Variants in PGM2L1 observed in about 807,000 individuals in gnomAD.
The protein encoded by PGM2L1 is glucose 1,6-bisphosphate synthase.
A neutral mutation model predicts 73.4 loss-of-function variants in PGM2L1; 35 were observed. That is an observed-to-expected ratio of 0.48 (90% CI 0.36 to 0.63). The LOEUF is 0.63. PGM2L1 is among the 30% of genes least tolerant of loss of function. PGM2L1 has a pLI of 0.00. For missense variants in PGM2L1, 570 were observed against 742.0 expected (o/e 0.77, Z 2.69); for synonymous variants, 225 against 253.8 (o/e 0.89, Z 1.08).
chr11:74,341,553 G>T (rs1026279341), intron 12 of PGM2L1, among the ~76,000 whole-genome samples: 1 of 152,026 alleles, frequency 6.6e-6, no homozygotes, highest in South Asian at 2.1e-4. Context: ...TTAGTCAGGC[G>T]TGGTGACATG....
intron 13 of PGM2L1, among the ~76,000 whole-genome samples, chr11:74,338,211 G>A (rs1862126353): frequency 6.6e-6 from 1 of 152,150 alleles, no homozygotes; most frequent in Admixed American, 6.5e-5. Context: ...GCCCAGAAAA[G>A]AAGCAAATCT....
At chr11:74,374,052 C>CAAAAAAAA (rs60395088) in intron 2 of PGM2L1, among the ~76,000 whole-genome samples, 3 of 85,634 alleles carry the variant, frequency 3.5e-5, no homozygotes, top group Non-Finnish European at 4.4e-5. Context: ...TTTATAAAGC[C>CAAAAAAAA]AAAAAAAAAA....
chr11:74,351,261 A>G (rs943179363), intron 6 of PGM2L1, 122 bp downstream of exon 6: 1 of 929,848 alleles, frequency 1.1e-6, no homozygotes, highest in Non-Finnish European at 1.6e-6. Flanking sequence ...TTTGACTCTT[A>G]TGAGTACTAT....
chr11:74,398,150 G>A lies in PGM2L1; in HGVS notation c.12C>T (p.Asn4=), dbSNP rs1381921303. Residue 4 remains asparagine, a synonymous_variant, in exon 1 of 14, where the codon AAC becomes AAT. Coordinates refer to ENST00000298198, the MANE Select transcript of PGM2L1 (RefSeq NM_173582.6). ...GGTTGGAGTTCAGATCCCCCTCTGT[G>A]TTTTCAGCCATGGCGACCAGACAGG... is the stretch of plus-strand genomic sequence containing the variant. The part of the protein sequence containing the change: MAE[N]TEGDLNSNLL... 6.8e-6 allele frequency: 11 copies of A among 1,610,792 alleles called. No homozygotes were observed. Among genetic ancestry groups the A allele is most frequent in the Non-Finnish European group, 9.3e-6 (11 of 1,178,268 alleles).
chr11:74,353,796 C>T (rs1361945632), intron 5 of PGM2L1, among the ~76,000 whole-genome samples: 1 of 55,578 alleles, frequency 1.8e-5, no homozygotes, highest in Non-Finnish European at 3.9e-5. Flanking sequence ...TCCCCCACTT[C>T]CACTAGACAA....
intron 9 of PGM2L1, among the ~76,000 whole-genome samples, chr11:74,344,407 TACTA>T (rs1325383604): frequency 1.1e-4 from 16 of 152,142 alleles, no homozygotes; most frequent in African/African-American, 2.4e-4. Context: ...CCAAGACAGT[TACTA>T]ACTACTTCTT....
chr11:74,391,368 G>T (rs979661465), intron 1 of PGM2L1, among the ~76,000 whole-genome samples: 1 of 151,966 alleles, frequency 6.6e-6, no homozygotes, highest in Non-Finnish European at 1.5e-5. Flanking sequence ...TGGAACCCCA[G>T]TGTGGATCAG....
At position 74,332,248 on chromosome 11, in the gene PGM2L1, T is replaced by C. The variant is rs2134869258; in HGVS notation, c.*4404A>G. On this transcript the variant is annotated 3_prime_UTR_variant, in exon 14 of 14. Coordinates refer to ENST00000298198, the MANE Select transcript of PGM2L1 (RefSeq NM_173582.6). ...TGTTATGTCAATTGCCCATTCATTT[T>C]GGTTAGTACGACTCTTTCCTCATCA... 6.6e-6 allele frequency: 1 copy of C among 152,348 alleles called. No homozygotes were observed. Among genetic ancestry groups the C allele is most frequent in the South Asian group, 2.1e-4 (1 of 4,828 alleles). 9.4% of individuals were successfully genotyped at this position (152,348 alleles called of 1,614,324 possible).
At chr11:74,385,089 T>C (rs11236091) in intron 1 of PGM2L1, among the ~76,000 whole-genome samples, 31,245 of 152,174 alleles carry the variant, frequency 0.21, 3,555 homozygotes, top group East Asian at 0.3. Context: ...CTGGAAACTC[T>C]TGACTAACAT....
chr11:74,373,883 T>C (rs906218616), intron 2 of PGM2L1, among the ~76,000 whole-genome samples: 2 of 152,102 alleles, frequency 1.3e-5, no homozygotes, highest in East Asian at 3.9e-4. Flanking sequence ...TAACGCTTAA[T>C]CAGAAAGTCA....
At chr11:74,356,790 T>G (rs555083920) in intron 5 of PGM2L1, among the ~76,000 whole-genome samples, 1 of 151,768 alleles carries the variant, frequency 6.6e-6, no homozygotes, top group South Asian at 2.1e-4. Context: ...ATAAAACTCC[T>G]AGAAGATATG....
intron 1 of PGM2L1, among the ~76,000 whole-genome samples, chr11:74,380,159 G>C (rs1862917329): frequency 6.6e-6 from 1 of 152,022 alleles, no homozygotes; most frequent in African/African-American, 2.4e-5. Context: ...TTGAATGAAA[G>C]ACAAACAAAT....
At chr11:74,369,089 G>T (rs1049833580) in intron 4 of PGM2L1, among the ~76,000 whole-genome samples, 8 of 152,106 alleles carry the variant, frequency 5.3e-5, no homozygotes, top group African/African-American at 1.9e-4. Flanking sequence ...TACACACTTG[G>T]CTTCTAACTC....
At position 74,386,658 on chromosome 11, in the gene PGM2L1, G is replaced by A. The variant is rs187096804; in HGVS notation, c.111+11393C>T. Among the ~76,000 whole-genome samples, 119 of 151,892 alleles carry A rather than the reference G, an allele frequency of 7.8e-4. 1 individual carries two copies. The highest frequency in any genetic ancestry group is 1.5e-3 in the Admixed American group (23 of 15,258). The stretch of plus-strand genomic sequence containing the variant: ...GCCCACCTAATTTTATTTACTTTTT[G>A]TAGAGATGAGGTCTCCCTATTTTGC... On this transcript the variant is annotated intron_variant, in intron 1 of 13. Coordinates refer to ENST00000298198, the MANE Select transcript of PGM2L1 (RefSeq NM_173582.6).
In PGM2L1 at chr11:74,338,352, C is replaced by A. The variant is rs1286077750; in HGVS notation, c.1766+116G>T. On this transcript the variant is annotated intron_variant, in intron 13 of 13. Transcript: ENST00000298198. ...ATTGATTACAGTGATGGATGCACAA[C>A]TTTGAACATACTAAAAGCCACTGAA... is the stretch of plus-strand genomic sequence containing the variant. 7.0e-6 allele frequency: 7 copies of A among 997,880 alleles called. No homozygotes were observed. The East Asian group carries it at 2.0e-4, about 28-fold the overall frequency. The allele number at this position is 997,880 out of a possible 1,614,324, so 61.8% of individuals were successfully genotyped here.
Position 74,334,783 on chromosome 11 carries a change from G to A in PGM2L1, c.*1869C>T, listed in dbSNP as rs1862067711. 6.6e-6 allele frequency: 1 copy of A among 151,950 alleles called. No homozygotes were observed. The highest frequency in any genetic ancestry group is 1.5e-5 in the Non-Finnish European group (1 of 68,000). The allele number at this position is 151,950 out of a possible 1,614,324, so 9.4% of individuals were successfully genotyped here. A position where few individuals can be genotyped will look rare whatever the true frequency, so the allele number is the denominator to read the frequency against. ...CTAATTACAGTGCTATCTCCCATAA[G>A]CAATTTGTTTAGGTCTTGTTATTGT... On this transcript the variant is annotated 3_prime_UTR_variant, in exon 14 of 14. Coordinates refer to ENST00000298198, the MANE Select transcript of PGM2L1 (RefSeq NM_173582.6).
In PGM2L1 at chr11:74,374,475, A is replaced by T. The variant is rs1862827239; in HGVS notation, c.219T>A (p.Arg73=). The T allele has an allele frequency of 6.2e-7, 1 of 1,614,026 alleles. No homozygotes were observed. Among genetic ancestry groups the T allele is most frequent in the Admixed American group, 1.7e-5 (1 of 60,014 alleles). Residue 73 remains arginine, a synonymous_variant, in exon 2 of 14, where the codon CGT becomes CGA. Transcript: ENST00000298198. ...AGCAAAACCCTGCCCCCATGGCAGAACGAAGTCCTGCAGTCCCAAAAGTCA... is the reference window on the plus strand; with the variant it reads ...AGCAAAACCCTGCCCCCATGGCAGATCGAAGTCCTGCAGTCCCAAAAGTCA... The part of the protein sequence containing the change: ...CRMTFGTAGL[R]SAMGAGFCYI...
At chr11:74,386,471 A>T (rs2134949671) in intron 1 of PGM2L1, among the ~76,000 whole-genome samples, 1 of 151,916 alleles carries the variant, frequency 6.6e-6, no homozygotes, top group Admixed American at 6.6e-5. Context: ...TATCTGTCAA[A>T]AAAAAAAACT....
chr11:74,378,278 G>A (rs1378859227), intron 1 of PGM2L1, among the ~76,000 whole-genome samples: 2 of 151,444 alleles, frequency 1.3e-5, no homozygotes, highest in South Asian at 4.2e-4. Flanking sequence ...CTCCAGCCTG[G>A]GCAACAGAGT....
Sources: gnomAD v4.1 joint callset for allele counts (sites outside exome capture counted in the v4.1 genomes callset) on GRCh38, gnomAD v4.1.1 for gene constraint, MANE v1.5 for transcripts, NCBI Gene and HGNC (gene_info 2026-07-23, HGNC 2026-07-21) for gene names.